ADGRD1: variants seen among roughly 807,000 people sequenced by gnomAD.
The protein encoded by ADGRD1 is adhesion G protein-coupled receptor D1.
In ADGRD1, 77 loss-of-function variants were observed where a neutral mutation model predicts 113.4. That is an observed-to-expected ratio of 0.68 (90% CI 0.57 to 0.82). The LOEUF (loss-of-function observed/expected upper bound fraction) is 0.82, where lower values mean the gene tolerates loss of function less well. ADGRD1 is among the 40% of genes least tolerant of loss of function. ADGRD1 has a pLI of 0.00. For synonymous variants in ADGRD1, 474 were observed against 475.0 expected (o/e 1.00, Z 0.03); for missense variants, 1,036 against 1,139.1 (o/e 0.91, Z 1.30).
Position 130,954,808 on chromosome 12 carries a change from C to T in ADGRD1, c.103+148C>T, listed in dbSNP as rs1169084657. On this transcript the variant is annotated intron_variant, in intron 2 of 24. Coordinates refer to ENST00000261654, the MANE Select transcript of ADGRD1 (RefSeq NM_198827.5). This position sits in a 1 kb window ranked among gnomAD's most constrained non-coding sequence, Gnocchi z 4.7. The stretch of plus-strand genomic sequence containing the variant: ...CCCGACCTCACTGCCTCACCACACA[C>T]TGTGACCCTGGGCAGCTCTGCTACC... The T allele has an allele frequency of 1.3e-6, 1 of 743,440 alleles. No homozygotes were observed. Among genetic ancestry groups the T allele is most frequent in the Non-Finnish European group, 2.3e-6 (1 of 433,220 alleles). 46.1% of individuals were successfully genotyped at this position (743,440 alleles called of 1,614,324 possible).
intron 23 of ADGRD1, chr12:131,137,219 G>A (rs550624743): frequency 1.4e-4 from 82 of 607,314 alleles, no homozygotes; most frequent in African/African-American, 1.1e-3. Flanking sequence ...TAAGCGATAT[G>A]CAAGCATCCT....
intron 21 of ADGRD1, among the ~76,000 whole-genome samples, chr12:131,135,440 C>T (rs751082067): frequency 6.6e-6 from 1 of 152,166 alleles, no homozygotes; most frequent in African/African-American, 2.4e-5. Flanking sequence ...TTGTTTAGCA[C>T]GTCCTTTGAG....
At position 130,996,318 on chromosome 12, in the gene ADGRD1, G is replaced by A. The variant is rs1306379860; in HGVS notation, c.966+3926G>A. Reference sequence around the variant, plus strand: ...ACACCTCCCAGACGGGGTGGTGGCCGGGCAGAGGGGCTCCTCACTTCCCAG... The same window carrying A: ...ACACCTCCCAGACGGGGTGGTGGCCAGGCAGAGGGGCTCCTCACTTCCCAG... On this transcript the variant is annotated intron_variant, in intron 8 of 24. Coordinates refer to ENST00000261654, the MANE Select transcript of ADGRD1 (RefSeq NM_198827.5). Among the ~76,000 whole-genome samples, 114 of 135,706 alleles carry A rather than the reference G, an allele frequency of 8.4e-4. 1 individual carries two copies. Among genetic ancestry groups the A allele is most frequent in the Admixed American group, 2.1e-3 (29 of 14,036 alleles). The allele number at this position is 135,706 out of a possible 152,430, so 89.0% of individuals were successfully genotyped here. A position where few individuals can be genotyped will look rare whatever the true frequency, so the allele number is the denominator to read the frequency against.
rs936265039 is a variant in ADGRD1 at position 131,084,230 on chromosome 12, G to A, written c.1548-310G>A. On this transcript the variant is annotated intron_variant, in intron 14 of 24. Transcript: ENST00000261654. This position sits in a 1 kb window ranked among gnomAD's most constrained non-coding sequence, Gnocchi z 4.5. ...CTGTGGGCCATGTGCGTTTCATTTT[G>A]TGCTGGGCTTGGTCCAGGTGCTTTT... Among the ~76,000 whole-genome samples the A allele has an allele frequency of 1.3e-5, 2 of 152,156 alleles. No homozygotes were observed. The highest frequency in any genetic ancestry group is 6.5e-5 in the Admixed American group (1 of 15,284).
chr12:130,997,142 C>T (rs1486610296), intron 8 of ADGRD1, among the ~76,000 whole-genome samples: 33 of 137,426 alleles, frequency 2.4e-4, no homozygotes, highest in African/African-American at 9.2e-4. Context: ...GGGGGCTGAT[C>T]CCCCACCTCC....
intron 13 of ADGRD1, among the ~76,000 whole-genome samples, chr12:131,071,505 C>G (rs910357001): frequency 2.6e-5 from 4 of 152,046 alleles, no homozygotes; most frequent in African/African-American, 9.7e-5. Context: ...GGGCGGGGTC[C>G]CTGTGGTTAA....
Position 131,139,490 on chromosome 12 carries a change from C to T in ADGRD1, c.*227C>T, listed in dbSNP as rs767411228. ...TGGGCCCTCCTGCCTTGCATCCACC[C>T]GTGGGCTGAGTGACTTCCTCGGGGG... On this transcript the variant is annotated 3_prime_UTR_variant, in exon 25 of 25. Transcript: ENST00000261654. 4.2e-4 allele frequency: 221 copies of T among 522,304 alleles called. No homozygotes were observed. Among genetic ancestry groups the T allele is most frequent in the Middle Eastern group, 5.3e-4 (1 of 1,892 alleles). 32.4% of individuals were successfully genotyped at this position (522,304 alleles called of 1,614,324 possible).
chr12:131,031,161 C>T (rs1422270611), intron 13 of ADGRD1, among the ~76,000 whole-genome samples: 1 of 152,204 alleles, frequency 6.6e-6, no homozygotes, highest in Non-Finnish European at 1.5e-5. Context: ...GCTCTGCTGC[C>T]TTGGGGGGTC....
At chr12:131,072,545 C>T (rs1885268951) in intron 13 of ADGRD1, among the ~76,000 whole-genome samples, 1 of 152,150 alleles carries the variant, frequency 6.6e-6, no homozygotes, top group Non-Finnish European at 1.5e-5. Context: ...GGAGGCTGCT[C>T]TCTAGGATTG....
At chr12:131,000,535 A>G in intron 9 of ADGRD1, 93 bp downstream of exon 9, 3 of 911,220 alleles carry the variant, frequency 3.3e-6, no homozygotes. Flanking sequence ...TGAGGTCAGG[A>G]GTCAAGACCA....
At chr12:131,094,331 C>G (rs1887130149) in intron 15 of ADGRD1, among the ~76,000 whole-genome samples, 1 of 152,162 alleles carries the variant, frequency 6.6e-6, no homozygotes, top group South Asian at 2.1e-4. Context: ...CTGCAGCCAT[C>G]CCAGCATTGA....
intron 15 of ADGRD1, among the ~76,000 whole-genome samples, chr12:131,089,810 A>G (rs569253653): frequency 5.3e-4 from 80 of 152,364 alleles, no homozygotes; most frequent in African/African-American, 1.9e-3. Flanking sequence ...CCCTGAGGTC[A>G]CATCAGGGGG....
chr12:131,108,891 G>A lies in ADGRD1; in HGVS notation c.2041+14G>A, dbSNP rs746542133. 1 of 1,565,722 alleles carries A rather than the reference G, an allele frequency of 6.4e-7. No homozygotes were observed. The highest frequency in any genetic ancestry group is 1.1e-5 in the South Asian group (1 of 87,848). ...GGATGGGATGGGGTAGGTGGGGCAG[G>A]GCAGGTGGGATGGCGGGGCGGGAGG... On this transcript the variant is annotated intron_variant, in intron 18 of 24. Transcript: ENST00000261654.
At chr12:130,991,337 G>A (rs899714876) in intron 7 of ADGRD1, among the ~76,000 whole-genome samples, 4 of 152,134 alleles carry the variant, frequency 2.6e-5, no homozygotes, top group East Asian at 1.9e-4. Context: ...TTCATGGGAC[G>A]TGGGCGCCGT....
intron 13 of ADGRD1, among the ~76,000 whole-genome samples, chr12:131,068,585 T>C (rs1248947807): frequency 2.0e-5 from 3 of 152,200 alleles, no homozygotes; most frequent in Non-Finnish European, 4.4e-5. Flanking sequence ...CTGACTATTC[T>C]CATGCGAAAA....
intron 13 of ADGRD1, among the ~76,000 whole-genome samples, chr12:131,074,546 C>T (rs1885428590): frequency 6.6e-6 from 1 of 152,200 alleles, no homozygotes; most frequent in South Asian, 2.1e-4. Context: ...GAGCACCTCC[C>T]ACATTTCTGC....
At chr12:131,014,788 T>G (rs1176948732) in intron 13 of ADGRD1, among the ~76,000 whole-genome samples, 1 of 152,198 alleles carries the variant, frequency 6.6e-6, no homozygotes, top group Non-Finnish European at 1.5e-5. Context: ...CGTGATAAGC[T>G]CTTGGTCCTG....
intron 8 of ADGRD1, among the ~76,000 whole-genome samples, chr12:130,999,907 A>T (rs1346178241): frequency 6.6e-6 from 1 of 152,214 alleles, no homozygotes; most frequent in African/African-American, 2.4e-5. Context: ...CGAACCAAAC[A>T]TGGTTTTAAG....
chr12:130,960,189 TAAAAC>T (rs1362661258), intron 2 of ADGRD1, among the ~76,000 whole-genome samples: 6 of 152,196 alleles, frequency 3.9e-5, no homozygotes, highest in African/African-American at 1.4e-4. Flanking sequence ...AAAGAGAACT[TAAAAC>T]AAACCCAAAG....
Sources: allele counts gnomAD v4.1 joint callset (sites outside exome capture counted in the v4.1 genomes callset), GRCh38; gene constraint gnomAD v4.1.1; non-coding constraint Gnocchi (gnomAD v3.1); transcripts MANE v1.5; gene names NCBI Gene and HGNC (gene_info 2026-07-23, HGNC 2026-07-21).